ARHGAP15: variants seen among roughly 807,000 people sequenced by gnomAD.
The protein encoded by ARHGAP15 is Rho GTPase activating protein 15.
In ARHGAP15, 51 loss-of-function variants were observed where a neutral mutation model predicts 63.7. The ratio of observed to expected loss-of-function variants is 0.80; its 90% CI spans 0.64 to 1.01. ARHGAP15 has a LOEUF of 1.01. Ranked by LOEUF, ARHGAP15 falls within the 50% of genes least tolerant of loss-of-function variation. The probability of loss-of-function intolerance (pLI) is 0.00; values close to 1 mark genes in which losing one functional copy is unlikely to be tolerated. For synonymous variants in ARHGAP15, 191 were observed against 193.8 expected (o/e 0.99, Z 0.12); for missense variants, 560 against 564.6 (o/e 0.99, Z 0.08).
At chr2:143,741,819 T>A (rs1226649944) in intron 13 of ARHGAP15, among the ~76,000 whole-genome samples, 1 of 152,182 alleles carries the variant, frequency 6.6e-6, no homozygotes, top group Admixed American at 6.5e-5. Context: ...TGCCGGAGCA[T>A]CTTGAATACA....
At chr2:143,470,927 T>C (rs1468694398) in intron 8 of ARHGAP15, among the ~76,000 whole-genome samples, 2 of 147,582 alleles carry the variant, frequency 1.4e-5, no homozygotes, top group Non-Finnish European at 3.0e-5. Context: ...TGTGTATATG[T>C]GTATATATGT....
intron 13 of ARHGAP15, among the ~76,000 whole-genome samples, chr2:143,729,694 A>C (rs1406901781): frequency 6.6e-6 from 1 of 152,240 alleles, no homozygotes; most frequent in African/African-American, 2.4e-5. Context: ...AATTTGACAC[A>C]TCCTGCTCTC....
chr2:143,684,245 A>G (rs1315433579), intron 12 of ARHGAP15, among the ~76,000 whole-genome samples: 1 of 152,192 alleles, frequency 6.6e-6, no homozygotes. Context: ...TCCACTACAC[A>G]CTACCACCCT....
At chr2:143,612,119 C>T (rs1698278731) in intron 11 of ARHGAP15, among the ~76,000 whole-genome samples, 1 of 152,180 alleles carries the variant, frequency 6.6e-6, no homozygotes. Context: ...TAACAGAGAC[C>T]ATTTAATCTA....
chr2:143,366,429 A>G (rs1009674231), intron 6 of ARHGAP15, among the ~76,000 whole-genome samples: 4 of 152,092 alleles, frequency 2.6e-5, no homozygotes, highest in African/African-American at 9.7e-5. Context: ...AATTTATATC[A>G]AACTGCCTAA....
At chr2:143,643,425 C>G (rs1680705736) in intron 12 of ARHGAP15, among the ~76,000 whole-genome samples, 1 of 69,940 alleles carries the variant, frequency 1.4e-5, no homozygotes, top group South Asian at 5.8e-4. Context: ...TCCCCTCCAC[C>G]CACCCCCCCC....
At chr2:143,766,751 G>A (rs1686958530) in intron 13 of ARHGAP15, 1 of 152,200 alleles carries the variant, frequency 6.6e-6, no homozygotes, top group African/African-American at 2.4e-5. Flanking sequence ...GGATGGAAGA[G>A]AAACATGTTC....
At chr2:143,627,814 G>A (rs940678824) in intron 12 of ARHGAP15, among the ~76,000 whole-genome samples, 4 of 152,044 alleles carry the variant, frequency 2.6e-5, no homozygotes, top group Non-Finnish European at 5.9e-5. Flanking sequence ...TGCAGATGCT[G>A]TTTTTGTGGG....
chr2:143,680,868 G>C (rs182294284), intron 12 of ARHGAP15, among the ~76,000 whole-genome samples: 1 of 152,318 alleles, frequency 6.6e-6, no homozygotes, highest in East Asian at 1.9e-4. Flanking sequence ...GTTCACTCAA[G>C]AACTGTGATC....
In ARHGAP15 at chr2:143,303,984, A is replaced by G. The variant is rs1050358392; in HGVS notation, c.474+53384A>G. Among the ~76,000 whole-genome samples the G allele has an allele frequency of 8.5e-5, 13 of 152,156 alleles. No homozygotes were observed. The South Asian group carries it at 1.2e-3, about 15-fold the overall frequency. ...TGCTGGAGAGGATGTGGAGAACTAG[A>G]AACACTTTTACACTGTTGGTGGGAC... On this transcript the variant is annotated intron_variant, in intron 6 of 13. Coordinates refer to ENST00000295095, the MANE Select transcript of ARHGAP15 (RefSeq NM_018460.4).
intron 12 of ARHGAP15, chr2:143,682,629 T>G (rs1187411662): frequency 2.6e-5 from 4 of 152,200 alleles, no homozygotes; most frequent in Admixed American, 2.6e-4. Context: ...AACCAAAAGC[T>G]TTGCTCCAGG....
At chr2:143,300,193 G>T (rs530704039) in intron 6 of ARHGAP15, among the ~76,000 whole-genome samples, 3 of 152,086 alleles carry the variant, frequency 2.0e-5, no homozygotes, top group East Asian at 3.9e-4. Flanking sequence ...CAGGTCTGTT[G>T]GTACCAGTGT....
At chr2:143,249,813 A>T (rs1011243318) in intron 5 of ARHGAP15, among the ~76,000 whole-genome samples, 2 of 152,074 alleles carry the variant, frequency 1.3e-5, no homozygotes, top group African/African-American at 4.8e-5. Flanking sequence ...GTAATTGTGT[A>T]ATAGGAAGCA....
chr2:143,261,324 CCTTTTT>C (rs1417553488), intron 6 of ARHGAP15, among the ~76,000 whole-genome samples: 2 of 135,526 alleles, frequency 1.5e-5, no homozygotes, highest in East Asian at 2.2e-4. Flanking sequence ...GGAGGAATGA[CCTTTTT>C]TTTTTTTTTT....
intron 5 of ARHGAP15, among the ~76,000 whole-genome samples, chr2:143,246,190 G>A (rs868022487): frequency 1.3e-5 from 2 of 151,844 alleles, no homozygotes; most frequent in Non-Finnish European, 1.5e-5. Flanking sequence ...GCACTTGGCC[G>A]CTCTCTGCTT....
chr2:143,501,599 TTTC>T (rs1294065065), intron 9 of ARHGAP15, among the ~76,000 whole-genome samples: 4 of 152,326 alleles, frequency 2.6e-5, no homozygotes, highest in African/African-American at 9.6e-5. Context: ...CTAGCATCCG[TTTC>T]TTATGTTCAT....
At chr2:143,404,679 A>G (rs1688125547) in intron 6 of ARHGAP15, among the ~76,000 whole-genome samples, 2 of 151,958 alleles carry the variant, frequency 1.3e-5, no homozygotes, top group African/African-American at 4.8e-5. Context: ...GCAAACACTT[A>G]TGAATTCCTA....
At chr2:143,741,829 AT>A (rs979399085) in intron 13 of ARHGAP15, among the ~76,000 whole-genome samples, 14 of 152,204 alleles carry the variant, frequency 9.2e-5, no homozygotes, top group Non-Finnish European at 2.1e-4. Context: ...TCTTGAATAC[AT>A]TTTTTTTCCA....
At chr2:143,543,222 TTAA>T (rs1695181981) in intron 10 of ARHGAP15, among the ~76,000 whole-genome samples, 1 of 152,194 alleles carries the variant, frequency 6.6e-6, no homozygotes, top group Admixed American at 6.5e-5. Context: ...TTTTGTCTTT[TTAA>T]TAATAGCCAT....
Sources: allele counts gnomAD v4.1 joint callset (sites outside exome capture counted in the v4.1 genomes callset), GRCh38; gene constraint gnomAD v4.1.1; transcripts MANE v1.5; gene names NCBI Gene and HGNC (gene_info 2026-07-23, HGNC 2026-07-21).